Variants in TECRL observed in about 807,000 individuals in gnomAD.
The protein encoded by TECRL is trans-2,3-enoyl-CoA reductase-like.
Under a neutral mutation model 52.8 loss-of-function variants are expected in TECRL, and 63 were observed. That is an observed-to-expected ratio of 1.19 (90% confidence interval 0.97 to 1.47). The LOEUF is 1.47. Ranked by LOEUF, TECRL falls within the 40% of genes most tolerant of loss-of-function variation. TECRL has a pLI of 0.00. For missense variants in TECRL, 482 were observed against 429.6 expected (o/e 1.12, Z -1.08); for synonymous variants, 164 against 141.9 (o/e 1.16, Z -1.10).
chr4:64,385,029 C>T (rs956329485), intron 1 of TECRL, among the ~76,000 whole-genome samples: 1 of 152,056 alleles, frequency 6.6e-6, no homozygotes, highest in Non-Finnish European at 1.5e-5. Context: ...AGTTAATGGC[C>T]GTGGGTGGGG....
rs180988785 is a variant in TECRL, at chr4:64,402,243, C to T, written c.234+6875G>A. Reference sequence around the variant, plus strand: ...TTCCATGTCATCTAATTTGGTGCTTCTCAAACTATGTAGAGTAAAGTAATT... The same window carrying T: ...TTCCATGTCATCTAATTTGGTGCTTTTCAAACTATGTAGAGTAAAGTAATT... On this transcript the variant is annotated intron_variant, in intron 1 of 11. Coordinates refer to ENST00000381210, the MANE Select transcript of TECRL (RefSeq NM_001010874.5). 7.5e-4 allele frequency among the ~76,000 whole-genome samples: 114 copies of T among 152,094 alleles called. 1 individual carries two copies. Among genetic ancestry groups the T allele is most frequent in the African/African-American group, 2.3e-3 (97 of 41,484 alleles).
At chr4:64,386,448 C>T (rs1178977822) in intron 1 of TECRL, among the ~76,000 whole-genome samples, 3 of 151,894 alleles carry the variant, frequency 2.0e-5, no homozygotes, top group African/African-American at 7.3e-5. Flanking sequence ...GAAGAAAATC[C>T]ATTTATAGGT....
At chr4:64,356,067 GC>G (rs1720748363) in intron 2 of TECRL, among the ~76,000 whole-genome samples, 1 of 152,078 alleles carries the variant, frequency 6.6e-6, no homozygotes, top group Non-Finnish European at 1.5e-5. Flanking sequence ...GGGATCTAGG[GC>G]TGTGCAGGAT....
rs72640312 is a variant in TECRL at position 64,371,541 on chromosome 4, A to G, written c.286+3631T>C. On this transcript the variant is annotated intron_variant, in intron 2 of 11. Coordinates refer to ENST00000381210, the MANE Select transcript of TECRL (RefSeq NM_001010874.5). ...AGTTCCTATAGAACATATTAAGCAG[A>G]CCTTCGCTTTATCAATTTTTCAAAG... Among the ~76,000 whole-genome samples the G allele has an allele frequency of 6.8e-3, 1,034 of 151,676 alleles. 6 individuals carry two copies. Among genetic ancestry groups the G allele is most frequent in the South Asian group, 0.032 (155 of 4,830 alleles).
intron 1 of TECRL, among the ~76,000 whole-genome samples, chr4:64,396,047 T>A (rs1333445659): frequency 6.6e-6 from 1 of 152,168 alleles, no homozygotes; most frequent in Non-Finnish European, 1.5e-5. Context: ...TATACATGTA[T>A]CATGTTGACT....
At chr4:64,314,140 ACT>A (rs1234744277) in intron 5 of TECRL, among the ~76,000 whole-genome samples, 3 of 151,588 alleles carry the variant, frequency 2.0e-5, no homozygotes, top group South Asian at 2.1e-4. Flanking sequence ...ACAGAGCGAA[ACT>A]CTGTCTCAAA....
intron 1 of TECRL, among the ~76,000 whole-genome samples, chr4:64,382,217 ATATATATATATATATATAG>A (rs1560545387): frequency 0.018 from 52 of 2,914 alleles, no homozygotes; most frequent in African/African-American, 0.019. Flanking sequence ...ATATATATAT[ATATATATATATATATATAG>A]TATTATGTAT....
intron 1 of TECRL, among the ~76,000 whole-genome samples, chr4:64,396,395 A>G (rs10028179): frequency 0.64 from 97,773 of 151,882 alleles, 32,653 homozygotes; most frequent in Non-Finnish European, 0.74. Context: ...CTCATTGTGG[A>G]TTTGATTAGC....
chr4:64,305,166 A>C lies in TECRL; in HGVS notation c.730T>G (p.Ser244Ala). Reference protein sequence around the residue: ...YINHPLYTPPSFGNRQITVSA... With the variant: ...YINHPLYTPPAFGNRQITVSA... ...TTAGTTAAGAAGAAACCCTACATAC[A>C]TGGTGGTGTATATAGTGGATGATTA... is the stretch of plus-strand genomic sequence containing the variant. The change falls in exon 7 of 12, where the codon TCA (serine) becomes GCA (alanine). Residue 244 changes from serine (S) to alanine (A), a missense_variant and splice_region_variant. By Grantham distance (99) the Ser-to-Ala change is moderately conservative. Coordinates refer to ENST00000381210, the MANE Select transcript of TECRL (RefSeq NM_001010874.5). The C allele has an allele frequency of 6.2e-7, 1 of 1,608,272 alleles. No homozygotes were observed. Among genetic ancestry groups the C allele is most frequent in the East Asian group, 2.2e-5 (1 of 44,734 alleles).
chr4:64,357,735 G>A (rs1577929207), intron 2 of TECRL, among the ~76,000 whole-genome samples: 1 of 151,254 alleles, frequency 6.6e-6, no homozygotes. Flanking sequence ...TTAAAAATTA[G>A]ATGAAAAATA....
intron 2 of TECRL, among the ~76,000 whole-genome samples, chr4:64,337,262 T>C (rs1719168186): frequency 6.6e-6 from 1 of 152,152 alleles, no homozygotes; most frequent in African/African-American, 2.4e-5. Context: ...AATTAGGTAT[T>C]GATGGGACGT....
At chr4:64,284,589 C>G (rs997781892) in intron 9 of TECRL, among the ~76,000 whole-genome samples, 1 of 151,930 alleles carries the variant, frequency 6.6e-6, no homozygotes, top group African/African-American at 2.4e-5. Context: ...ATTAAAGGAC[C>G]CTTCCTCACA....
chr4:64,308,379 T>C (rs940406436), intron 6 of TECRL, among the ~76,000 whole-genome samples: 1 of 152,104 alleles, frequency 6.6e-6, no homozygotes, highest in Non-Finnish European at 1.5e-5. Context: ...TGGCTTCAGC[T>C]TCCCCCCTCC....
intron 8 of TECRL, among the ~76,000 whole-genome samples, chr4:64,296,211 T>C (rs1163710989): frequency 1.3e-5 from 2 of 151,920 alleles, no homozygotes; most frequent in Non-Finnish European, 2.9e-5. Flanking sequence ...AGCAGTTTCT[T>C]GGCCTTTCTG....
chr4:64,395,347 T>G (rs80040872), intron 1 of TECRL, among the ~76,000 whole-genome samples: 2,183 of 152,320 alleles, frequency 0.014, 70 homozygotes, highest in East Asian at 0.075. Context: ...CATAAATAAC[T>G]GCTCATTTAT....
At chr4:64,384,263 G>C (rs143967171) in intron 1 of TECRL, among the ~76,000 whole-genome samples, 2 of 152,134 alleles carry the variant, frequency 1.3e-5, no homozygotes, top group African/African-American at 4.8e-5. Flanking sequence ...TAGGCAGGTG[G>C]GTACTCAGGC....
At chr4:64,324,544 A>T (rs1382748221) in intron 3 of TECRL, among the ~76,000 whole-genome samples, 1 of 152,008 alleles carries the variant, frequency 6.6e-6, no homozygotes, top group Non-Finnish European at 1.5e-5. Context: ...AGAATCCAAG[A>T]TATCTGCTTA....
chr4:64,396,934 T>C (rs1334625076), intron 1 of TECRL, among the ~76,000 whole-genome samples: 2 of 152,118 alleles, frequency 1.3e-5, no homozygotes, highest in Non-Finnish European at 2.9e-5. Context: ...TGCTTGTTTT[T>C]GTTGACTGTG....
In TECRL at chr4:64,281,018, TTATCAG is replaced by T; in HGVS notation, c.964+17_964+22del. On this transcript the variant is annotated intron_variant, in intron 11 of 11. Transcript: ENST00000381210. ...TTAAAGATGCATTTATTTTGATTAA[TTATCAG>T]TATATCTAGGTCTTACCTGGCAGTG... 6.4e-7 allele frequency: 1 copy of T among 1,555,706 alleles called. No individual in the cohort carries two copies. The highest frequency in any genetic ancestry group is 1.7e-5 in the Admixed American group (1 of 57,820).
Sources: allele counts gnomAD v4.1 joint callset (sites outside exome capture counted in the v4.1 genomes callset), GRCh38; gene constraint gnomAD v4.1.1; transcripts MANE v1.5; gene names NCBI Gene and HGNC (gene_info 2026-07-23, HGNC 2026-07-21).